Variants in SCAND3 observed in about 807,000 individuals in gnomAD.
SCAND3 encodes SCAN domain containing 3.
chr6:28,594,273 A>G, the SCAND3 span: 1 of 152,270 alleles, frequency 6.6e-6, no homozygotes, highest in Non-Finnish European at 1.5e-5. Flanking sequence ...CAATATATCA[A>G]AGAAATGTCT....
At chr6:28,597,904 G>A in the SCAND3 span, 146 of 152,192 alleles carry the variant, frequency 9.6e-4, 1 homozygote, top group African/African-American at 3.4e-3. Context: ...GAAATATGCC[G>A]GACAGCAAAG....
the SCAND3 span, among the ~76,000 whole-genome samples, chr6:28,601,227 G>A: frequency 8.5e-5 from 13 of 152,078 alleles, no homozygotes; most frequent in African/African-American, 3.1e-4. Context: ...TTTTTAAAAT[G>A]TTCTTTTCTC....
the SCAND3 span, chr6:28,573,819 T>C: frequency 6.6e-7 from 1 of 1,524,728 alleles, no homozygotes; most frequent in Non-Finnish European, 8.8e-7. Flanking sequence ...GTGAAGCTTG[T>C]TTCGCCATCT....
chr6:28,611,207 C>T, the SCAND3 span, among the ~76,000 whole-genome samples: 8 of 152,178 alleles, frequency 5.3e-5, no homozygotes, highest in Admixed American at 5.2e-4. Context: ...GTATACACTA[C>T]CCAGTGGTGG....
chr6:28,584,597 T>C, the SCAND3 span, among the ~76,000 whole-genome samples: 3 of 152,204 alleles, frequency 2.0e-5, no homozygotes, highest in African/African-American at 7.2e-5. Flanking sequence ...CCCCACAGTG[T>C]GTTTCTAGAG....
At chr6:28,597,693 G>A in the SCAND3 span, 1 of 31,892 alleles carries the variant, frequency 3.1e-5, no homozygotes, top group Non-Finnish European at 4.8e-5. Context: ...GGAATGCATG[G>A]GACATAGGAT....
chr6:28,587,039 T>C, the SCAND3 span: 1 of 322,192 alleles, frequency 3.1e-6, no homozygotes, highest in Non-Finnish European at 5.6e-6. Flanking sequence ...TTATGACGGA[T>C]ACTTTGGCCC....
the SCAND3 span, among the ~76,000 whole-genome samples, chr6:28,599,076 A>G: frequency 6.6e-6 from 1 of 152,094 alleles, no homozygotes; most frequent in African/African-American, 2.4e-5. Flanking sequence ...CAAAAAAGAA[A>G]AAGGATACTG....
chr6:28,577,995 T>C, the SCAND3 span, among the ~76,000 whole-genome samples: 1 of 152,152 alleles, frequency 6.6e-6, no homozygotes, highest in African/African-American at 2.4e-5. Flanking sequence ...TTGCAAACCA[T>C]TGGGGAAACT....
chr6:28,616,100 T>G, the SCAND3 span: 2 of 152,230 alleles, frequency 1.3e-5, no homozygotes, highest in African/African-American at 4.8e-5. The surrounding 1 kb of genome is among the most constrained non-coding windows in gnomAD (Gnocchi z 4.3). Context: ...GCGCCAAATG[T>G]GGCTTGTTAC....
the SCAND3 span, chr6:28,575,297 G>A: frequency 1.2e-6 from 2 of 1,613,950 alleles, no homozygotes; most frequent in Non-Finnish European, 1.7e-6. The surrounding 1 kb of genome is among the most constrained non-coding windows in gnomAD (Gnocchi z 4.2). Flanking sequence ...GCAGAACTCT[G>A]GCTTTGGCAG....
chr6:28,607,321 A>G, the SCAND3 span, among the ~76,000 whole-genome samples: 7 of 151,862 alleles, frequency 4.6e-5, no homozygotes, highest in African/African-American at 1.7e-4. Flanking sequence ...TCATTCATTC[A>G]ATTTTCTGCT....
At chr6:28,600,741 G>A in the SCAND3 span, among the ~76,000 whole-genome samples, 1 of 151,964 alleles carries the variant, frequency 6.6e-6, no homozygotes, top group African/African-American at 2.4e-5. Flanking sequence ...AAAATTTTTT[G>A]CATAACTGGA....
At chr6:28,577,880 A>C in the SCAND3 span, among the ~76,000 whole-genome samples, 1 of 152,198 alleles carries the variant, frequency 6.6e-6, no homozygotes, top group Non-Finnish European at 1.5e-5. Flanking sequence ...CCCTTCTCTG[A>C]GATGTCCATC....
At chr6:28,573,262 C>T in the SCAND3 span, 16 of 1,614,056 alleles carry the variant, frequency 9.9e-6, no homozygotes, top group South Asian at 4.4e-5. Context: ...CTGAATACGT[C>T]GAGCTATGGT....
chr6:28,615,516 G>A, the SCAND3 span, among the ~76,000 whole-genome samples: 2 of 151,066 alleles, frequency 1.3e-5, no homozygotes, highest in Non-Finnish European at 2.9e-5. Flanking sequence ...GGGAGACTGA[G>A]GCAGGAGAAT....
At chr6:28,605,859 A>G in the SCAND3 span, among the ~76,000 whole-genome samples, 1 of 152,172 alleles carries the variant, frequency 6.6e-6, no homozygotes, top group South Asian at 2.1e-4. Flanking sequence ...AAAGAAAGAA[A>G]GAAAGAAATG....
At chr6:28,599,108 T>C in the SCAND3 span, among the ~76,000 whole-genome samples, 6,194 of 152,214 alleles carry the variant, frequency 0.041, 184 homozygotes, top group Non-Finnish European at 0.062. Flanking sequence ...TAACCAGTTA[T>C]GTACAAGATC....
chr6:28,574,984 T>C, the SCAND3 span: 1 of 1,613,630 alleles, frequency 6.2e-7, no homozygotes, highest in African/African-American at 1.3e-5. Flanking sequence ...ATCACTACTG[T>C]CTGTTCCAGT....
Sources: allele counts gnomAD v4.1 joint callset (sites outside exome capture counted in the v4.1 genomes callset), GRCh38; gene constraint gnomAD v4.1.1; non-coding constraint Gnocchi (gnomAD v3.1); transcripts MANE v1.5; gene names NCBI Gene and HGNC (gene_info 2026-07-23, HGNC 2026-07-21).